The following GRB2 variants were observed in gnomAD, a reference collection of about 807,000 sequenced individuals.
GRB2 encodes the protein growth factor receptor-bound protein 2.
In GRB2, 2 loss-of-function variants were observed where a neutral mutation model predicts 27.4. That is an observed-to-expected ratio of 0.07 (90% confidence interval 0.03 to 0.23). The LOEUF is 0.23. Ranked by LOEUF, GRB2 falls within the 10% of genes least tolerant of loss-of-function variation. The probability of loss-of-function intolerance (pLI) is 1.00; values close to 1 mark genes in which losing one functional copy is unlikely to be tolerated. For synonymous variants in GRB2, 94 were observed against 99.6 expected, an observed-to-expected ratio of 0.94 and a Z score of 0.33; for missense variants, 102 against 282.4, an observed-to-expected ratio of 0.36 and a Z score of 4.58.
At chr17:75,376,997 C>G (rs142336415) in intron 2 of GRB2, among the ~76,000 whole-genome samples, 2 of 151,586 alleles carry the variant, frequency 1.3e-5, no homozygotes, top group Non-Finnish European at 2.9e-5. Context: ...GGTAAGAGAG[C>G]CAGACCCTGT....
intron 2 of GRB2, among the ~76,000 whole-genome samples, chr17:75,376,080 C>T (rs1242624538): frequency 6.9e-6 from 1 of 145,732 alleles, no homozygotes; most frequent in South Asian, 2.2e-4. Flanking sequence ...CAGTGGCTCA[C>T]GCCTGTAATC....
At chr17:75,393,460 AAC>A (rs2079010614) in intron 2 of GRB2, 89 bp downstream of exon 2, 1 of 986,436 alleles carries the variant, frequency 1.0e-6, no homozygotes, top group Non-Finnish European at 1.6e-6. Context: ...TACAATGAAA[AAC>A]ACAGCTTCTT....
chr17:75,348,537 A>C (rs1337555340), intron 2 of GRB2, among the ~76,000 whole-genome samples: 1 of 152,224 alleles, frequency 6.6e-6, no homozygotes, highest in Non-Finnish European at 1.5e-5. Flanking sequence ...TAAGAATAAA[A>C]GGCATGGTCC....
intron 1 of GRB2, among the ~76,000 whole-genome samples, chr17:75,400,863 G>A (rs2079058917): frequency 6.6e-6 from 1 of 151,988 alleles, no homozygotes; most frequent in Non-Finnish European, 1.5e-5. Context: ...CTGAAACAAT[G>A]AGACAAAATA....
At chr17:75,393,193 A>C (rs1158320407) in intron 2 of GRB2, among the ~76,000 whole-genome samples, 1 of 152,224 alleles carries the variant, frequency 6.6e-6, no homozygotes, top group African/African-American at 2.4e-5. Flanking sequence ...TAAATACTTC[A>C]GGTCTGGGTC....
Position 75,390,341 on chromosome 17 carries a change from A to G in GRB2, c.78+3210T>C, listed in dbSNP as rs549345295. Among the ~76,000 whole-genome samples, 83 of 152,310 alleles carry G rather than the reference A, an allele frequency of 5.4e-4. 1 individual carries two copies. The highest frequency in any genetic ancestry group is 1.9e-3 in the African/African-American group (80 of 41,572). ...ATGTATACATAAGCCCCTAAATGGC[A>G]GTTGCAACTCCTAGGTAAGTTTTAT... On this transcript the variant is annotated intron_variant, in intron 2 of 5. Transcript: ENST00000316804.
chr17:75,341,721 T>C (rs958806051), intron 2 of GRB2, among the ~76,000 whole-genome samples: 1 of 152,130 alleles, frequency 6.6e-6, no homozygotes, highest in Non-Finnish European at 1.5e-5. Context: ...TGAATACTGC[T>C]TTCTTTCCAA....
intron 2 of GRB2, among the ~76,000 whole-genome samples, chr17:75,374,502 G>C (rs1484602780): frequency 6.6e-6 from 1 of 152,022 alleles, no homozygotes; most frequent in Non-Finnish European, 1.5e-5. Context: ...GGCCAAGGTG[G>C]GTGGATCACT....
At chr17:75,387,599 C>T (rs1479833001) in intron 2 of GRB2, 2 of 151,954 alleles carry the variant, frequency 1.3e-5, no homozygotes, top group South Asian at 4.2e-4. Flanking sequence ...GAGTTTAAGA[C>T]CAGCCTGGCC....
At chr17:75,345,926 C>G (rs56411174) in intron 2 of GRB2, among the ~76,000 whole-genome samples, 3 of 152,170 alleles carry the variant, frequency 2.0e-5, no homozygotes, top group Non-Finnish European at 4.4e-5. Flanking sequence ...CAGAAGACCA[C>G]AGTATGCAAA....
intron 2 of GRB2, among the ~76,000 whole-genome samples, chr17:75,386,516 CAG>C (rs1385018759): frequency 6.6e-6 from 1 of 152,144 alleles, no homozygotes; most frequent in Non-Finnish European, 1.5e-5. Flanking sequence ...TAAAAATCTC[CAG>C]AGACATGGGA....
chr17:75,345,819 G>A (rs540563517), intron 2 of GRB2, among the ~76,000 whole-genome samples: 1 of 152,088 alleles, frequency 6.6e-6, no homozygotes, highest in South Asian at 2.1e-4. Context: ...AAAACACAGG[G>A]ACCTAAACTA....
intron 3 of GRB2, among the ~76,000 whole-genome samples, chr17:75,331,144 G>A (rs1270949919): frequency 6.6e-6 from 1 of 152,188 alleles, no homozygotes; most frequent in African/African-American, 2.4e-5. Flanking sequence ...ACGTCTGCAA[G>A]GCCAAACACC....
intron 2 of GRB2, among the ~76,000 whole-genome samples, chr17:75,346,706 C>T (rs937099736): frequency 9.9e-5 from 15 of 151,334 alleles, no homozygotes; most frequent in Non-Finnish European, 1.0e-4. Context: ...CCTCAGCCTC[C>T]CAAGCAGCTG....
rs934506396 is a variant in GRB2, at chr17:75,319,352, T to G, written c.*1016A>C. 3.4e-5 allele frequency: 5 copies of G among 149,160 alleles called. No homozygotes were observed. Among genetic ancestry groups the G allele is most frequent in the African/African-American group, 9.8e-5 (4 of 40,620 alleles). 9.2% of individuals were successfully genotyped at this position (149,160 alleles called of 1,614,324 possible). On this transcript the variant is annotated 3_prime_UTR_variant, in exon 6 of 6. Transcript: ENST00000316804. Reference sequence around the variant, plus strand: ...AAAAAACACCACTCAGAAGCAACCCTTGAAATAAGGAAAAAGGCACTATGA... The same window carrying G: ...AAAAAACACCACTCAGAAGCAACCCGTGAAATAAGGAAAAAGGCACTATGA...
intron 2 of GRB2, among the ~76,000 whole-genome samples, chr17:75,389,671 C>A (rs1331398922): frequency 6.6e-6 from 1 of 151,634 alleles, no homozygotes; most frequent in Non-Finnish European, 1.5e-5. Flanking sequence ...ATGGTGAAAC[C>A]CCGTCTCTAC....
intron 2 of GRB2, among the ~76,000 whole-genome samples, chr17:75,337,438 T>C (rs1427632111): frequency 2.0e-5 from 3 of 151,922 alleles, no homozygotes; most frequent in Non-Finnish European, 4.4e-5. Flanking sequence ...CAAATGAATG[T>C]TGAAGAGCTC....
chr17:75,393,538 C>T lies in GRB2; in HGVS notation c.78+13G>A, dbSNP rs1031197482. 2 of 1,607,024 alleles carry T rather than the reference C, an allele frequency of 1.2e-6. No homozygotes were observed. The highest frequency in any genetic ancestry group is 2.2e-5 in the South Asian group (2 of 90,938). ...AGAGCGATCTCAGCATTGTGCTCGGCATCAGCACTTACCTTGAGGATGTCC... is the reference window on the plus strand; with the variant it reads ...AGAGCGATCTCAGCATTGTGCTCGGTATCAGCACTTACCTTGAGGATGTCC... On this transcript the variant is annotated intron_variant, in intron 2 of 5. Coordinates refer to ENST00000316804, the MANE Select transcript of GRB2 (RefSeq NM_002086.5).
Position 75,401,313 on chromosome 17 carries a change from C to T in GRB2, c.-138+4176G>A, listed in dbSNP as rs530587228. 5.6e-4 allele frequency among the ~76,000 whole-genome samples: 85 copies of T among 151,332 alleles called. 1 individual carries two copies. The highest frequency in any genetic ancestry group is 1.9e-3 in the African/African-American group (79 of 41,306). On this transcript the variant is annotated intron_variant, in intron 1 of 5. Coordinates refer to ENST00000316804, the MANE Select transcript of GRB2 (RefSeq NM_002086.5). ...ACAAAAAATTAGCCGGGCGCGGTGG[C>T]GGGCGCCTGTAGTCCCAGCTACTCG...
Sources: allele counts gnomAD v4.1 joint callset (sites outside exome capture counted in the v4.1 genomes callset), GRCh38; gene constraint gnomAD v4.1.1; transcripts MANE v1.5; gene names NCBI Gene and HGNC (gene_info 2026-07-23, HGNC 2026-07-21).